ANK1: variants seen among roughly 807,000 people sequenced by gnomAD.
ANK1 encodes ankyrin 1, also known as ankyrin-1.
Under a neutral mutation model 210.4 loss-of-function variants are expected in ANK1, and 51 were observed. The ratio of observed to expected loss-of-function variants is 0.24; its 90% CI spans 0.19 to 0.31. The LOEUF (loss-of-function observed/expected upper bound fraction) is 0.31, where lower values mean the gene tolerates loss of function less well. ANK1 is among the 10% of genes least tolerant of loss of function. ANK1 has a pLI of 1.00. For synonymous variants in ANK1, 967 were observed against 1,025.9 expected, an observed-to-expected ratio of 0.94 and a Z score of 1.10; for missense variants, 2,051 against 2,504.4, an observed-to-expected ratio of 0.82 and a Z score of 3.86.
At chr8:41,706,431 G>A (rs534732097) in intron 17 of ANK1, among the ~76,000 whole-genome samples, 190 bp from the exon 18 acceptor site, 1 of 152,354 alleles carries the variant, frequency 6.6e-6, no homozygotes, top group East Asian at 1.9e-4. Context: ...CACTAGACCA[G>A]GGGTTGGCAA....
At chr8:41,701,509 CCTCT>C in intron 22 of ANK1, 37 bp downstream of exon 22, 1 of 1,603,170 alleles carries the variant, frequency 6.2e-7, no homozygotes, top group Non-Finnish European at 8.5e-7. Context: ...GCCCGGAGCC[CCTCT>C]GTCCCCACCA....
chr8:41,891,225 C>T (rs989540137), intron 1 of ANK1, among the ~76,000 whole-genome samples: 1 of 152,122 alleles, frequency 6.6e-6, no homozygotes, highest in African/African-American at 2.4e-5. Flanking sequence ...ATAGGACACA[C>T]TCGCCACTAC....
intron 1 of ANK1, among the ~76,000 whole-genome samples, chr8:41,871,653 C>T (rs2150825419): frequency 6.6e-6 from 1 of 152,304 alleles, no homozygotes; most frequent in Admixed American, 6.5e-5. Flanking sequence ...ACCAAAGGAG[C>T]CGACCCTGCT....
Position 41,655,634 on chromosome 8 carries a change from A to G in ANK1, c.*156T>C, listed in dbSNP as rs1310412487. The G allele has an allele frequency of 1.4e-6, 2 of 1,480,080 alleles. No homozygotes were observed. Among genetic ancestry groups the G allele is most frequent in the East Asian group, 4.5e-5 (2 of 44,142 alleles). 91.7% of individuals were successfully genotyped at this position (1,480,080 alleles called of 1,614,324 possible). On this transcript the variant is annotated 3_prime_UTR_variant, in exon 43 of 43. Coordinates refer to ENST00000289734, the MANE Select transcript of ANK1 (RefSeq NM_000037.4). Reference sequence around the variant, plus strand: ...GGGGACTAGCAGGAGTCCCTTACAGAGGTCATGCCGTCAGCCCAGAGGAAT... The same window carrying G: ...GGGGACTAGCAGGAGTCCCTTACAGGGGTCATGCCGTCAGCCCAGAGGAAT...
chr8:41,699,816 G>A (rs1200520931), intron 22 of ANK1, among the ~76,000 whole-genome samples: 2 of 152,180 alleles, frequency 1.3e-5, no homozygotes, highest in South Asian at 2.1e-4. Context: ...AACTTTGTTC[G>A]CTTAGTTCCA....
At chr8:41,872,613 G>A (rs1801879039) in intron 1 of ANK1, among the ~76,000 whole-genome samples, 1 of 152,350 alleles carries the variant, frequency 6.6e-6, no homozygotes, top group Admixed American at 6.5e-5. Flanking sequence ...TCCAGCCGCA[G>A]ATGCATTGCC....
intron 1 of ANK1, among the ~76,000 whole-genome samples, chr8:41,870,017 G>A (rs1194418939): frequency 1.3e-5 from 2 of 152,128 alleles, no homozygotes; most frequent in East Asian, 1.9e-4. Context: ...TCAGCAGGCT[G>A]AGAGGGCAGG....
At chr8:41,791,498 C>T (rs894155581) in intron 1 of ANK1, among the ~76,000 whole-genome samples, 22 of 150,624 alleles carry the variant, frequency 1.5e-4, no homozygotes, top group East Asian at 1.9e-4. Context: ...TAGAGTGCAG[C>T]TCTGCTCACT....
At chr8:41,814,359 C>CA (rs34734381) in intron 1 of ANK1, among the ~76,000 whole-genome samples, 7,338 of 124,290 alleles carry the variant, frequency 0.059, 589 homozygotes, top group African/African-American at 0.18. Flanking sequence ...GACTCCATCT[C>CA]AAAAAAAAAA....
At position 41,696,381 on chromosome 8, in the gene ANK1, G is replaced by A. The variant is rs767717861; in HGVS notation, c.2942C>T (p.Thr981Met). 117 of 1,613,188 alleles carry A rather than the reference G, an allele frequency of 7.3e-5. No individual in the cohort carries two copies. The highest frequency in any genetic ancestry group is 2.0e-4 in the South Asian group (18 of 91,084). ...AGCTCACCTCAGGAACTGTGCCCCC[G>A]TGGGCCCCAGTGCTATGATCCTGCT... is the stretch of plus-strand genomic sequence containing the variant. ...LASRIIALGP[T>M]GAQFLSPVIV... The change falls in exon 26 of 43, where the codon ACG becomes ATG. Residue 981 changes from threonine (T) to methionine (M), a missense_variant. Coordinates refer to ENST00000289734, the MANE Select transcript of ANK1 (RefSeq NM_000037.4).
At chr8:41,701,912 A>C in intron 21 of ANK1, 140 bp downstream of exon 21, 5 of 892,064 alleles carry the variant, frequency 5.6e-6, no homozygotes, top group Non-Finnish European at 8.9e-6. Flanking sequence ...AAGGAGGACA[A>C]GCTCCCACCC....
At chr8:41,864,219 C>T (rs976147768) in intron 1 of ANK1, among the ~76,000 whole-genome samples, 4 of 143,534 alleles carry the variant, frequency 2.8e-5, no homozygotes, top group African/African-American at 1.0e-4. Context: ...CACTGCACTC[C>T]AGCCTGGGTG....
intron 1 of ANK1, among the ~76,000 whole-genome samples, chr8:41,884,226 T>C (rs113551138): frequency 0.012 from 1,900 of 152,252 alleles, 38 homozygotes; most frequent in African/African-American, 0.042. Flanking sequence ...CATGTGCCTG[T>C]AATCCCAGCT....
chr8:41,655,414 C>G lies in ANK1; in HGVS notation c.*376G>C. The G allele has an allele frequency of 6.0e-6, 2 of 335,970 alleles. No individual in the cohort carries two copies. Among genetic ancestry groups the G allele is most frequent in the Non-Finnish European group, 1.1e-5 (2 of 184,840 alleles). The allele number at this position is 335,970 out of a possible 1,614,324, so 20.8% of individuals were successfully genotyped here. ...CAATTTAAAAAAAAAACCCCAAAAC[C>G]AAAACCCATCCCCAGCCACAAAAAG... On this transcript the variant is annotated 3_prime_UTR_variant, in exon 43 of 43. Transcript: ENST00000289734.
At chr8:41,892,821 C>T (rs1819706588) in intron 1 of ANK1, among the ~76,000 whole-genome samples, 1 of 152,196 alleles carries the variant, frequency 6.6e-6, no homozygotes, top group Non-Finnish European at 1.5e-5. Context: ...ACTCCACAAA[C>T]ATCCACTGCC....
chr8:41,729,988 A>G (rs1831709629), intron 3 of ANK1, among the ~76,000 whole-genome samples: 2 of 152,284 alleles, frequency 1.3e-5, no homozygotes, highest in South Asian at 4.1e-4. Context: ...TAAGGAGCAG[A>G]GATCTCAAAC....
chr8:41,885,905 C>A (rs919360687), intron 1 of ANK1, among the ~76,000 whole-genome samples: 1 of 152,216 alleles, frequency 6.6e-6, no homozygotes, highest in Non-Finnish European at 1.5e-5. Context: ...TCTCCAAATT[C>A]TTTACTAACT....
At chr8:41,845,546 C>A (rs980955941) in intron 1 of ANK1, among the ~76,000 whole-genome samples, 2 of 151,846 alleles carry the variant, frequency 1.3e-5, no homozygotes, top group South Asian at 2.1e-4. Context: ...TGGTGTGGTG[C>A]GTGCCTTTGG....
intron 37 of ANK1, among the ~76,000 whole-genome samples, chr8:41,673,746 G>A (rs958383891): frequency 3.3e-5 from 5 of 152,200 alleles, no homozygotes; most frequent in Admixed American, 1.3e-4. Context: ...TGCATGACCC[G>A]TGCATTGACA....
Sources: gnomAD v4.1 joint callset for allele counts (sites outside exome capture counted in the v4.1 genomes callset) on GRCh38, gnomAD v4.1.1 for gene constraint, MANE v1.5 for transcripts, NCBI Gene and HGNC (gene_info 2026-07-23, HGNC 2026-07-21) for gene names.